The following TEX15 variants were observed in gnomAD, a reference collection of about 807,000 sequenced individuals.
The protein encoded by TEX15 is testis-expressed protein 15.
Under a neutral mutation model 237.3 loss-of-function variants are expected in TEX15, and 171 were observed. That is an observed-to-expected ratio of 0.72 (90% CI 0.64 to 0.82). TEX15 has a LOEUF of 0.82. Among genes scored for constraint, TEX15 ranks in the 40% least tolerant of loss-of-function variants. The pLI is 0.00. For missense variants in TEX15, 3,750 were observed against 3,646.5 expected (o/e 1.03, Z -0.73); for synonymous variants, 1,338 against 1,269.8 (o/e 1.05, Z -1.14).
chr8:30,845,921 A>G lies in TEX15; in HGVS notation c.4246T>C (p.Tyr1416His). The G allele has an allele frequency of 6.2e-7, 1 of 1,613,398 alleles. No individual in the cohort carries two copies. Among genetic ancestry groups the G allele is most frequent in the Non-Finnish European group, 8.5e-7 (1 of 1,179,622 alleles). ...EERKGPLPKS[Y>H]AIICNNFWES... ...CAGAAATTATTGCATATTATTGCATATGATTTTGGTAATGGGCCCTTTCTT... is the reference window on the plus strand; with the variant it reads ...CAGAAATTATTGCATATTATTGCATGTGATTTTGGTAATGGGCCCTTTCTT... The change falls in exon 8 of 11, where the codon TAT becomes CAT. Residue 1416 changes from tyrosine (Y) to histidine (H), a missense_variant. Coordinates refer to ENST00000643185, the MANE Select transcript of TEX15 (RefSeq NM_001350162.2).
At position 30,870,265 on chromosome 8, in the gene TEX15, T is replaced by C. The variant is rs117870103; in HGVS notation, c.303-2763A>G. Among the ~76,000 whole-genome samples, 88 of 152,202 alleles carry C rather than the reference T, an allele frequency of 5.8e-4. 2 individuals are homozygous for C. The East Asian group carries it at 0.015, about 26-fold the overall frequency. ...AATTGGAATCTTGTATATCTTTTTG[T>C]AGACCAGGAACTTTTAATTTACTCT... is the stretch of plus-strand genomic sequence containing the variant. On this transcript the variant is annotated intron_variant, in intron 4 of 10. Coordinates refer to ENST00000643185, the MANE Select transcript of TEX15 (RefSeq NM_001350162.2).
Position 30,837,709 on chromosome 8 carries a change from G to A in TEX15, c.8575C>T (p.Leu2859Phe), listed in dbSNP as rs1010084108. ...HGTFSPDHGTLLQKFLKNSPD... is the reference protein window; with the variant it reads ...HGTFSPDHGTFLQKFLKNSPD... ...GAATTTTTAAGAAATTTCTGCAAAAGCGTCCCATGGTCTGGTGAAAATGTG... is the reference window on the plus strand; with the variant it reads ...GAATTTTTAAGAAATTTCTGCAAAAACGTCCCATGGTCTGGTGAAAATGTG... The change falls in exon 10 of 11, where the codon CTT becomes TTT. Residue 2859 changes from leucine to phenylalanine, a missense_variant. Coordinates refer to ENST00000643185, the MANE Select transcript of TEX15 (RefSeq NM_001350162.2). The A allele has an allele frequency of 1.2e-6, 2 of 1,613,888 alleles. No individual in the cohort carries two copies. The highest frequency in any genetic ancestry group is 1.7e-5 in the Admixed American group (1 of 59,988).
At chr8:30,898,326 T>G (rs1353803567) in intron 2 of TEX15, among the ~76,000 whole-genome samples, 1 of 152,152 alleles carries the variant, frequency 6.6e-6, no homozygotes, top group African/African-American at 2.4e-5. Context: ...TGAATGGGAT[T>G]AGCATACTTA....
chr8:30,859,557 A>G (rs1270010828), intron 6 of TEX15, among the ~76,000 whole-genome samples: 1 of 152,132 alleles, frequency 6.6e-6, no homozygotes, highest in Non-Finnish European at 1.5e-5. Context: ...TTATGGTGAG[A>G]CATTGGAAAT....
At chr8:30,886,302 C>T (rs1808644067) in intron 3 of TEX15, among the ~76,000 whole-genome samples, 1 of 152,196 alleles carries the variant, frequency 6.6e-6, no homozygotes, top group African/African-American at 2.4e-5. Context: ...TTCCACAGGG[C>T]CTCCATTTAT....
At chr8:30,896,270 G>A (rs373457192) in intron 2 of TEX15, among the ~76,000 whole-genome samples, 1 of 152,170 alleles carries the variant, frequency 6.6e-6, no homozygotes, top group African/African-American at 2.4e-5. Context: ...AAAGAGCAAA[G>A]AATGCATGGC....
rs1807338156 is a variant in TEX15 at position 30,837,579 on chromosome 8, A to G, written c.8705T>C (p.Val2902Ala). 1 of 1,613,968 alleles carries G rather than the reference A, an allele frequency of 6.2e-7. No individual in the cohort carries two copies. Among genetic ancestry groups the G allele is most frequent in the African/African-American group, 1.3e-5 (1 of 74,938 alleles). ...TTCTAGATCAGGATGGACATCTTTCACAAAACAGAAAATTGGCTTTGAGAG... is the reference window on the plus strand; with the variant it reads ...TTCTAGATCAGGATGGACATCTTTCGCAAAACAGAAAATTGGCTTTGAGAG... ...SVLSKPIFCF[V>A]KDVHPDLEMN... Residue 2902 changes from valine (V) to alanine (A), a missense_variant, in exon 10 of 11, where the codon GTG (valine) becomes GCG (alanine). By Grantham distance (64) the Val-to-Ala change is moderately conservative. Transcript: ENST00000643185.
chr8:30,858,592 C>T (rs1460299432), intron 7 of TEX15, 76 bp downstream of exon 7: 1 of 1,283,716 alleles, frequency 7.8e-7, no homozygotes, highest in Non-Finnish European at 1.0e-6. Flanking sequence ...ACCATTGTGT[C>T]CAGCCAGTAA....
At chr8:30,890,886 T>C (rs1483581335) in intron 2 of TEX15, among the ~76,000 whole-genome samples, 2 of 152,364 alleles carry the variant, frequency 1.3e-5, no homozygotes, top group East Asian at 1.9e-4. Flanking sequence ...GAATCACTTG[T>C]TCTTATCTTT....
intron 1 of TEX15, among the ~76,000 whole-genome samples, chr8:30,909,394 A>ACCCCCCCCCCCCCCACCCCC (rs35046956): frequency 8.5e-6 from 1 of 118,340 alleles, no homozygotes; most frequent in Non-Finnish European, 1.7e-5. Flanking sequence ...TTAAAGACAG[A>ACCCCCCCCCCCCCCACCCCC]CCCCCCCCCG....
chr8:30,862,504 C>T (rs1585295373), intron 5 of TEX15, among the ~76,000 whole-genome samples: 1 of 152,130 alleles, frequency 6.6e-6, no homozygotes, highest in Admixed American at 6.5e-5. Flanking sequence ...ACACAAAAAA[C>T]TCTGTGGTTA....
rs141916117 is a variant in TEX15 at position 30,845,386 on chromosome 8, T to G, written c.4781A>C (p.Asn1594Thr). The change falls in exon 8 of 11, where the codon AAT becomes ACT. Residue 1594 changes from asparagine (N) to threonine (T), a missense_variant. Physicochemically the swap from Asn to Thr is moderately conservative, Grantham distance 65. Transcript: ENST00000643185. ...TTTAGTTGCATCTTTAACATTATGA[T>G]TTGCTGAATGTTTTTCAAGCTTTTC... Reference protein sequence around the residue: ...KYEKLEKHSANHNVKDATKEN... With the variant: ...KYEKLEKHSATHNVKDATKEN... 3 of 1,611,320 alleles carry G rather than the reference T, an allele frequency of 1.9e-6. No homozygotes were observed. In the African/African-American group the frequency reaches 4.0e-5, roughly 22 times the overall value.
chr8:30,897,358 ACTG>A (rs1808926555), intron 2 of TEX15, among the ~76,000 whole-genome samples: 1 of 152,172 alleles, frequency 6.6e-6, no homozygotes, highest in Non-Finnish European at 1.5e-5. Context: ...GAAATTGTAC[ACTG>A]TATGCAAGCC....
Position 30,849,218 on chromosome 8 carries a change from G to T in TEX15, c.949C>A (p.Pro317Thr). The T allele has an allele frequency of 1.3e-6, 2 of 1,536,316 alleles. No homozygotes were observed. Among genetic ancestry groups the T allele is most frequent in the South Asian group, 2.4e-5 (2 of 84,102 alleles). Reference protein sequence around the residue: ...TFVHFKKPVDPFVQENCLCNA... With the variant: ...TFVHFKKPVDTFVQENCLCNA... ...CATAAACAGTTTTCTTGAACAAATG[G>T]ATCTACAGGTTTCTTGAAATGCACA... The change falls in exon 8 of 11, where the codon CCA (proline) becomes ACA (threonine). Residue 317 changes from proline (P) to threonine (T), a missense_variant. Pro to Thr is a conservative substitution (Grantham distance 38). Coordinates refer to ENST00000643185, the MANE Select transcript of TEX15 (RefSeq NM_001350162.2).
rs562017711 is a variant in TEX15, at chr8:30,834,233, C to T, written c.9482-910G>A. ...TGTCGCCCAGTATGGAGTGCAATGG[C>T]GTGATCTCGGCTCACTGCAACCTCC... is the stretch of plus-strand genomic sequence containing the variant. On this transcript the variant is annotated intron_variant, in intron 10 of 10. Coordinates refer to ENST00000643185, the MANE Select transcript of TEX15 (RefSeq NM_001350162.2). Among the ~76,000 whole-genome samples the T allele has an allele frequency of 8.3e-4, 127 of 152,282 alleles. 3 individuals are homozygous for T. The South Asian group carries it at 0.011, about 13-fold the overall frequency.
intron 7 of TEX15, among the ~76,000 whole-genome samples, chr8:30,853,176 C>T (rs1224443831): frequency 6.6e-6 from 1 of 152,106 alleles, no homozygotes; most frequent in Admixed American, 6.5e-5. Flanking sequence ...GGAAAGGTCC[C>T]TATCTGTTGT....
intron 5 of TEX15, among the ~76,000 whole-genome samples, chr8:30,861,034 C>T (rs1808040105): frequency 6.6e-6 from 1 of 150,636 alleles, no homozygotes; most frequent in African/African-American, 2.4e-5. Flanking sequence ...CAAGAAAAAG[C>T]AGAGAAAAGA....
chr8:30,888,812 G>T (rs1429652923), intron 2 of TEX15: 5 of 376,578 alleles, frequency 1.3e-5, no homozygotes, highest in Non-Finnish European at 2.4e-5. Context: ...TATGAAAGGT[G>T]ATCTTGCAAT....
rs1807669503 is a variant in TEX15 at position 30,848,165 on chromosome 8, C to G, written c.2002G>C (p.Glu668Gln). The G allele has an allele frequency of 1.2e-6, 2 of 1,610,918 alleles. No individual in the cohort carries two copies. Among genetic ancestry groups the G allele is most frequent in the Non-Finnish European group, 1.7e-6 (2 of 1,179,252 alleles). The change falls in exon 8 of 11, where the codon GAG becomes CAG. Residue 668 changes from glutamate to glutamine, a missense_variant. Coordinates refer to ENST00000643185, the MANE Select transcript of TEX15 (RefSeq NM_001350162.2). The stretch of plus-strand genomic sequence containing the variant: ...CCAAAAGAATTATGACTCTCACTCT[C>G]TTTGTATTCTTGGTGCAAAACAATG... ...NYIVLHQEYK[E>Q]SESHNSFGKS...
Sources: allele counts gnomAD v4.1 joint callset (sites outside exome capture counted in the v4.1 genomes callset), GRCh38; gene constraint gnomAD v4.1.1; transcripts MANE v1.5; gene names NCBI Gene and HGNC (gene_info 2026-07-23, HGNC 2026-07-21).